FAM3D: variants seen among roughly 807,000 people sequenced by gnomAD.
FAM3D encodes protein FAM3D.
In FAM3D, 26 loss-of-function variants were observed where a neutral mutation model predicts 29.8. The observed-to-expected ratio is 0.87, with a 90% CI of 0.64 to 1.21. FAM3D has a LOEUF of 1.21. FAM3D is among the 50% of genes most tolerant of loss of function. The pLI is 0.00. For missense variants in FAM3D, 253 were observed against 290.9 expected, an observed-to-expected ratio of 0.87 and a Z score of 0.95; for synonymous variants, 115 against 102.3, an observed-to-expected ratio of 1.12 and a Z score of -0.75.
intron 3 of FAM3D, 172 bp from the exon 4 acceptor site, chr3:58,649,510 A>G: frequency 1.5e-6 from 1 of 687,954 alleles, no homozygotes; most frequent in Non-Finnish European, 2.6e-6. Flanking sequence ...ACATACACAC[A>G]CAGCACACAT....
At chr3:58,651,121 ACTC>A (rs2066626067) in intron 3 of FAM3D, among the ~76,000 whole-genome samples, 1 of 152,064 alleles carries the variant, frequency 6.6e-6, no homozygotes, top group African/African-American at 2.4e-5. Flanking sequence ...AAGCCCATGA[ACTC>A]CTCTCAGAAT....
intron 3 of FAM3D, among the ~76,000 whole-genome samples, chr3:58,652,627 C>T (rs1473628540): frequency 6.6e-6 from 1 of 152,062 alleles, no homozygotes; most frequent in East Asian, 1.9e-4. Context: ...ACCCACTCAT[C>T]TGTTCTCCAC....
chr3:58,652,978 G>GT (rs59073252), intron 3 of FAM3D, among the ~76,000 whole-genome samples: 31,082 of 138,662 alleles, frequency 0.22, 3,674 homozygotes, highest in Middle Eastern at 0.27. Flanking sequence ...CCATCCATCC[G>GT]TTTTTTTTTT....
intron 1 of FAM3D, among the ~76,000 whole-genome samples, chr3:58,658,840 C>T (rs1271065989): frequency 6.6e-6 from 1 of 152,154 alleles, no homozygotes; most frequent in Non-Finnish European, 1.5e-5. Context: ...TGTGATAAGT[C>T]TGGGGCTACT....
chr3:58,655,688 G>A (rs1575489823), intron 1 of FAM3D, 87 bp from the exon 2 acceptor site: 10 of 1,081,684 alleles, frequency 9.2e-6, no homozygotes, highest in Non-Finnish European at 1.3e-5. Flanking sequence ...ACCTCTAACT[G>A]TGGAGATCAT....
chr3:58,657,647 C>G (rs1377477725), intron 1 of FAM3D: 1 of 152,356 alleles, frequency 6.6e-6, no homozygotes, highest in Non-Finnish European at 1.5e-5. Flanking sequence ...GGCTCCCCAG[C>G]CTGCTCTTCC....
intron 4 of FAM3D, among the ~76,000 whole-genome samples, chr3:58,646,448 G>C (rs941362056): frequency 1.3e-5 from 2 of 152,238 alleles, no homozygotes; most frequent in African/African-American, 4.8e-5. Context: ...GGGACCTAAA[G>C]ATGTGGCTGA....
At chr3:58,652,186 G>A (rs1483093671) in intron 3 of FAM3D, among the ~76,000 whole-genome samples, 1 of 152,180 alleles carries the variant, frequency 6.6e-6, no homozygotes, top group African/African-American at 2.4e-5. Flanking sequence ...TCTCCAAGAG[G>A]AACTTGGGTG....
chr3:58,636,407 T>C lies in FAM3D; in HGVS notation c.472A>G (p.Ser158Gly). 1 of 1,614,186 alleles carries C rather than the reference T, an allele frequency of 6.2e-7. No individual in the cohort carries two copies. Among genetic ancestry groups the C allele is most frequent in the Non-Finnish European group, 8.5e-7 (1 of 1,180,034 alleles). ...DDPGTKMNDE[S>G]RKLFSDLGSS... ...CCCAAGTCAGAGAAGAGTTTCCTGCTTTCATCGTTCATTCTGCAGAGGACC... is the reference window on the plus strand; with the variant it reads ...CCCAAGTCAGAGAAGAGTTTCCTGCCTTCATCGTTCATTCTGCAGAGGACC... The change falls in exon 9 of 10, where the codon AGC becomes GGC. Residue 158 changes from serine to glycine, a missense_variant. By Grantham distance (56) the Ser-to-Gly change is moderately conservative (BLOSUM62 0). Coordinates refer to ENST00000358781, the MANE Select transcript of FAM3D (RefSeq NM_138805.3).
chr3:58,637,618 C>T (rs1222947196), intron 7 of FAM3D, among the ~76,000 whole-genome samples: 1 of 152,142 alleles, frequency 6.6e-6, no homozygotes, highest in East Asian at 1.9e-4. Context: ...CCATTCTACG[C>T]TGGACAATGC....
In FAM3D at chr3:58,643,686, C is replaced by T; in HGVS notation, c.298G>A (p.Gly100Ser). Residue 100 changes from glycine to serine, a missense_variant, in exon 6 of 10, where the codon GGC (glycine) becomes AGC (serine). Transcript: ENST00000358781. ...MSPVKNNVGR[G>S]LNIALVNGTT... ...CCATTCACCAGGGCGATGTTTAGGC[C>T]TCTGCCCACATTGTTTTTCACAGGA... is the stretch of plus-strand genomic sequence containing the variant. 2 of 1,613,844 alleles carry T rather than the reference C, an allele frequency of 1.2e-6. No homozygotes were observed. The highest frequency in any genetic ancestry group is 1.1e-5 in the South Asian group (1 of 91,068).
At chr3:58,644,557 G>A (rs1242336882) in intron 5 of FAM3D, among the ~76,000 whole-genome samples, 1 of 152,150 alleles carries the variant, frequency 6.6e-6, no homozygotes, top group Non-Finnish European at 1.5e-5. Context: ...CCTAGTCTCG[G>A]GTATGTCTTT....
At position 58,635,485 on chromosome 3, in the gene FAM3D, T is replaced by C. The variant is rs1453438393; in HGVS notation, c.585+809A>G. ...GAAGATGATGCTGGGCTTCCTGTAC[T>C]CCCACGCCTCCTCTGTCTTGCCGGT... On this transcript the variant is annotated intron_variant, in intron 9 of 9. Coordinates refer to ENST00000358781, the MANE Select transcript of FAM3D (RefSeq NM_138805.3). The surrounding 1 kb of genome is among the most constrained non-coding windows in gnomAD (Gnocchi z 5.2). Among the ~76,000 whole-genome samples, 1 of 152,152 alleles carries C rather than the reference T, an allele frequency of 6.6e-6. No individual in the cohort carries two copies. The highest frequency in any genetic ancestry group is 1.9e-4 in the East Asian group (1 of 5,182).
At chr3:58,637,067 A>G (rs536470649) in intron 8 of FAM3D, 74 bp downstream of exon 8, 2 of 1,289,854 alleles carry the variant, frequency 1.6e-6, no homozygotes, top group East Asian at 4.8e-5. Flanking sequence ...AAAAGAGCAG[A>G]AAAGGGTGTG....
intron 5 of FAM3D, among the ~76,000 whole-genome samples, chr3:58,644,576 C>A (rs9860581): frequency 0.011 from 1,745 of 152,268 alleles, 42 homozygotes; most frequent in African/African-American, 0.039. Flanking sequence ...TTATCAGCAG[C>A]GTGAAAACGG....
intron 4 of FAM3D, among the ~76,000 whole-genome samples, chr3:58,646,359 G>C (rs905658209): frequency 6.6e-6 from 1 of 152,184 alleles, no homozygotes; most frequent in Admixed American, 6.5e-5. Context: ...GATGCTGGCT[G>C]TTCCTAAGAC....
chr3:58,664,813 T>A (rs937935569), intron 1 of FAM3D, among the ~76,000 whole-genome samples: 3 of 152,186 alleles, frequency 2.0e-5, no homozygotes, highest in Non-Finnish European at 2.9e-5. Context: ...GTAGGAAATG[T>A]CTGCTCCGCT....
chr3:58,645,687 G>A (rs1044848925), intron 4 of FAM3D, 61 bp from the exon 5 acceptor site: 11 of 1,440,632 alleles, frequency 7.6e-6, no homozygotes, highest in Non-Finnish European at 9.8e-6. Context: ...GGGGGAGAAG[G>A]AGGGGAGGGC....
chr3:58,636,518 C>A, intron 8 of FAM3D, 98 bp from the exon 9 acceptor site: 1 of 1,524,058 alleles, frequency 6.6e-7, no homozygotes, highest in South Asian at 1.3e-5. Flanking sequence ...CTCTTCTCCC[C>A]ATTCAGCATC....
Sources: gnomAD v4.1 joint callset for allele counts (sites outside exome capture counted in the v4.1 genomes callset) on GRCh38, gnomAD v4.1.1 for gene constraint, Gnocchi (gnomAD v3.1) non-coding constraint, MANE v1.5 for transcripts, NCBI Gene and HGNC (gene_info 2026-07-23, HGNC 2026-07-21) for gene names.